The following OR9Q1 variants were observed in gnomAD, a reference collection of about 807,000 sequenced individuals.
OR9Q1 encodes olfactory receptor family 9 subfamily Q member 1, also known as olfactory receptor 9Q1.
For synonymous variants in OR9Q1, 153 were observed against 148.6 expected (o/e 1.03, Z -0.22); for missense variants, 374 against 378.8 (o/e 0.99, Z 0.11).
At position 58,119,233 on chromosome 11, in the gene OR9Q1, G is replaced by A. The variant is rs755898970; in HGVS notation, c.-14-60198G>A. The A allele has an allele frequency of 1.4e-5, 22 of 1,613,564 alleles. No homozygotes were observed. Among genetic ancestry groups the A allele is most frequent in the Non-Finnish European group, 1.9e-5 (22 of 1,179,672 alleles). ...AGGGGTGATGACTGAGGTGTAACAG[G>A]CATCCAGCAGGGAGAGGTGGCTCAG... is the stretch of plus-strand genomic sequence containing the variant. On this transcript the variant is annotated intron_variant, in intron 2 of 2. Transcript: ENST00000335397.
At chr11:58,119,772 T>A (rs1854008026) in intron 2 of OR9Q1, among the ~76,000 whole-genome samples, 1 of 152,164 alleles carries the variant, frequency 6.6e-6, no homozygotes, top group Non-Finnish European at 1.5e-5. Context: ...GGCTGGAGTC[T>A]CACTTACCAT....
At chr11:58,131,468 G>A (rs1287364398) in intron 2 of OR9Q1, among the ~76,000 whole-genome samples, 1 of 152,000 alleles carries the variant, frequency 6.6e-6, no homozygotes, top group Admixed American at 6.6e-5. Flanking sequence ...TTGCCTATCT[G>A]TTAAGATTAG....
At chr11:58,098,026 G>A (rs1239953430) in intron 2 of OR9Q1, among the ~76,000 whole-genome samples, 5 of 152,182 alleles carry the variant, frequency 3.3e-5, no homozygotes, top group Admixed American at 6.5e-5. Flanking sequence ...TGTTGATTAC[G>A]GTAATTGTGT....
intron 1 of OR9Q1, among the ~76,000 whole-genome samples, chr11:58,046,713 GT>G (rs1158517006): frequency 6.6e-6 from 1 of 151,974 alleles, no homozygotes; most frequent in Non-Finnish European, 1.5e-5. Flanking sequence ...AATACAAAAA[GT>G]TAGCTGGGCG....
At chr11:58,070,057 AGTG>A (rs1160343397) in intron 2 of OR9Q1, among the ~76,000 whole-genome samples, 1 of 151,900 alleles carries the variant, frequency 6.6e-6, no homozygotes. Flanking sequence ...GCTGGAGTGC[AGTG>A]GTGCCATCTC....
At chr11:58,040,110 G>A (rs1853146218) in intron 1 of OR9Q1, among the ~76,000 whole-genome samples, 1 of 152,222 alleles carries the variant, frequency 6.6e-6, no homozygotes, top group Non-Finnish European at 1.5e-5. Context: ...AGGTGGCAGA[G>A]CTAGGGCTTG....
intron 2 of OR9Q1, among the ~76,000 whole-genome samples, chr11:58,164,094 C>A (rs374895749): frequency 6.6e-6 from 1 of 152,128 alleles, no homozygotes; most frequent in Admixed American, 6.5e-5. Context: ...TAGAGTCTTA[C>A]GCTGGAGCCG....
intron 1 of OR9Q1, among the ~76,000 whole-genome samples, chr11:58,029,696 A>C (rs1355398317): frequency 6.6e-6 from 1 of 152,184 alleles, no homozygotes; most frequent in Admixed American, 6.5e-5. Flanking sequence ...GCTTAAATTC[A>C]AACCCAGTGT....
intron 2 of OR9Q1, among the ~76,000 whole-genome samples, chr11:58,124,803 C>T (rs139416296): frequency 2.0e-4 from 30 of 152,276 alleles, no homozygotes; most frequent in South Asian, 6.2e-4. Flanking sequence ...TGAATCAACA[C>T]GCTGTGCTGC....
At chr11:58,090,652 C>T (rs181369612) in intron 2 of OR9Q1, among the ~76,000 whole-genome samples, 3 of 152,162 alleles carry the variant, frequency 2.0e-5, no homozygotes, top group East Asian at 3.9e-4. Flanking sequence ...TGATGTTGGC[C>T]TCATAAAATG....
In OR9Q1 at chr11:58,030,109, T is replaced by C. The variant is rs1590542321; in HGVS notation, c.-93+6005T>C. Among the ~76,000 whole-genome samples, 3 of 152,300 alleles carry C rather than the reference T, an allele frequency of 2.0e-5. No homozygotes were observed. In the South Asian group the frequency reaches 6.2e-4, roughly 32 times the overall value. Reference sequence around the variant, plus strand: ...TGCCTGCCTTAGACTCCCAAAGTGCTGGGATTACACATATGAGCCACCGGG... The same window carrying C: ...TGCCTGCCTTAGACTCCCAAAGTGCCGGGATTACACATATGAGCCACCGGG... On this transcript the variant is annotated intron_variant, in intron 1 of 2. Transcript: ENST00000335397.
At chr11:58,094,957 C>T (rs2513706) in intron 2 of OR9Q1, among the ~76,000 whole-genome samples, 20,567 of 152,154 alleles carry the variant, frequency 0.14, 2,165 homozygotes, top group African/African-American at 0.26. Context: ...GGATGATAGA[C>T]TCTGACAAAC....
chr11:58,123,855 T>A (rs1056165739), intron 2 of OR9Q1, among the ~76,000 whole-genome samples: 3 of 152,232 alleles, frequency 2.0e-5, no homozygotes, highest in African/African-American at 7.2e-5. Context: ...AGATTGATGT[T>A]GGAGTTCTTT....
In OR9Q1 at chr11:58,180,406, A is replaced by C. The variant is rs746243305; in HGVS notation, c.*29A>C. The C allele has an allele frequency of 9.9e-6, 14 of 1,417,516 alleles. No homozygotes were observed. The highest frequency in any genetic ancestry group is 1.3e-5 in the Non-Finnish European group (13 of 1,031,770). The allele number at this position is 1,417,516 out of a possible 1,614,324, so 87.8% of individuals were successfully genotyped here. A position where few individuals can be genotyped will look rare whatever the true frequency, so the allele number is the denominator to read the frequency against. On this transcript the variant is annotated 3_prime_UTR_variant, in exon 3 of 3. Transcript: ENST00000335397. ...TCTCCAAACTTGGAAAATCCCGAGA[A>C]CCACCTACTCTGTAGTGTCAGAATT...
intron 1 of OR9Q1, among the ~76,000 whole-genome samples, chr11:58,032,512 G>A (rs1361163078): frequency 1.3e-5 from 2 of 152,128 alleles, no homozygotes; most frequent in Non-Finnish European, 2.9e-5. Context: ...AATAAGCAAT[G>A]GAGAAAAGAT....
rs182901540 is a variant in OR9Q1 at position 58,133,280 on chromosome 11, G to T, written c.-14-46151G>T. On this transcript the variant is annotated intron_variant, in intron 2 of 2. Transcript: ENST00000335397. The stretch of plus-strand genomic sequence containing the variant: ...TTCAGAGAATTTAATAGAGGAGATT[G>T]GTTACAGAATGAAAACACTGGAGGA... Among the ~76,000 whole-genome samples the T allele has an allele frequency of 1.9e-4, 29 of 152,252 alleles. No homozygotes were observed. The East Asian group carries it at 4.1e-3, about 21-fold the overall frequency.
intron 2 of OR9Q1, among the ~76,000 whole-genome samples, chr11:58,161,746 G>A (rs1021341979): frequency 2.0e-5 from 3 of 152,100 alleles, no homozygotes; most frequent in Admixed American, 6.5e-5. Flanking sequence ...TAGCCAGGCT[G>A]GTCTCGAACT....
intron 2 of OR9Q1, among the ~76,000 whole-genome samples, chr11:58,106,333 T>A (rs890941401): frequency 1.3e-5 from 2 of 152,136 alleles, no homozygotes; most frequent in African/African-American, 4.8e-5. Flanking sequence ...GTCCATTTTT[T>A]AATTGTATTA....
Position 58,050,752 on chromosome 11 carries a change from G to C in OR9Q1, c.-92-5118G>C, listed in dbSNP as rs1206980256. On this transcript the variant is annotated intron_variant, in intron 1 of 2. Coordinates refer to ENST00000335397, the MANE Select transcript of OR9Q1 (RefSeq NM_001005212.4). ...ACAATGAACTCAAACAAATTTACAA[G>C]AAAAAAACAAACAACCCCATCAAAA... Among the ~76,000 whole-genome samples, 58 of 101,106 alleles carry C rather than the reference G, an allele frequency of 5.7e-4. 8 individuals carry two copies. Among genetic ancestry groups the C allele is most frequent in the Admixed American group, 5.3e-3 (48 of 9,086 alleles). The allele number at this position is 101,106 out of a possible 152,430, so 66.3% of individuals were successfully genotyped here.
Sources: allele counts gnomAD v4.1 joint callset (sites outside exome capture counted in the v4.1 genomes callset), GRCh38; gene constraint gnomAD v4.1.1; transcripts MANE v1.5; gene names NCBI Gene and HGNC (gene_info 2026-07-23, HGNC 2026-07-21).